Variants in GRM3 observed in about 807,000 individuals in gnomAD.
GRM3 encodes glutamate metabotropic receptor 3.
Under a neutral mutation model 70.5 loss-of-function variants are expected in GRM3, and 26 were observed. The ratio of observed to expected loss-of-function variants is 0.37; its 90% confidence interval spans 0.27 to 0.51. The LOEUF (loss-of-function observed/expected upper bound fraction) is 0.51. Ranked by LOEUF, GRM3 falls within the 20% of genes least tolerant of loss-of-function variation. The probability of loss-of-function intolerance (pLI) is 0.93; values close to 1 mark genes in which losing one functional copy is unlikely to be tolerated. For synonymous variants in GRM3, 443 were observed against 434.9 expected (o/e 1.02, Z -0.23); for missense variants, 859 against 1,123.8 (o/e 0.76, Z 3.37).
intron 2 of GRM3, chr7:86,775,941 A>G (rs796772398): frequency 9.9e-5 from 15 of 152,240 alleles, no homozygotes; most frequent in African/African-American, 3.6e-4. Flanking sequence ...GTATTCATAC[A>G]TACCTTAAAA....
At chr7:86,761,340 C>A (rs1048525010) in intron 1 of GRM3, among the ~76,000 whole-genome samples, 7 of 152,068 alleles carry the variant, frequency 4.6e-5, no homozygotes, top group Non-Finnish European at 8.8e-5. Flanking sequence ...GTCTACATCT[C>A]TCCTGGCTTC....
At chr7:86,792,080 A>C (rs1797433174) in intron 3 of GRM3, among the ~76,000 whole-genome samples, 1 of 152,228 alleles carries the variant, frequency 6.6e-6, no homozygotes, top group Admixed American at 6.5e-5. Flanking sequence ...GTTAAGAAAA[A>C]GGAAGTCGAG....
At chr7:86,841,414 A>G (rs1798557208) in intron 4 of GRM3, among the ~76,000 whole-genome samples, 1 of 152,216 alleles carries the variant, frequency 6.6e-6, no homozygotes, top group Non-Finnish European at 1.5e-5. Flanking sequence ...AGAGTGGAGT[A>G]TATGAACTAC....
At chr7:86,683,635 A>T (rs1050355945) in intron 1 of GRM3, among the ~76,000 whole-genome samples, 1 of 152,142 alleles carries the variant, frequency 6.6e-6, no homozygotes, top group African/African-American at 2.4e-5. Context: ...ACACCAAGGG[A>T]AATGAGATCT....
intron 5 of GRM3, among the ~76,000 whole-genome samples, chr7:86,851,209 C>G (rs1310276742): frequency 6.6e-6 from 1 of 152,080 alleles, no homozygotes; most frequent in African/African-American, 2.4e-5. Context: ...TTGGAAAATG[C>G]TGGAATAGAT....
At chr7:86,785,646 G>A (rs569747945) in intron 2 of GRM3, among the ~76,000 whole-genome samples, 13 of 140,084 alleles carry the variant, frequency 9.3e-5, no homozygotes, top group East Asian at 2.2e-4. Context: ...TTAGAAAAGC[G>A]TATGCCTAAA....
intron 3 of GRM3, among the ~76,000 whole-genome samples, chr7:86,826,603 G>C (rs1202129820): frequency 6.6e-6 from 1 of 152,116 alleles, no homozygotes; most frequent in African/African-American, 2.4e-5. Context: ...ACAAGACTAG[G>C]TAATAGTAAC....
At chr7:86,781,064 T>C (rs967050472) in intron 2 of GRM3, among the ~76,000 whole-genome samples, 12 of 152,180 alleles carry the variant, frequency 7.9e-5, no homozygotes, top group African/African-American at 2.9e-4. Flanking sequence ...GTAAGATCTC[T>C]ATGCACTCTT....
intron 1 of GRM3, among the ~76,000 whole-genome samples, chr7:86,726,786 T>C (rs577159912): frequency 5.3e-5 from 8 of 152,330 alleles, no homozygotes; most frequent in African/African-American, 1.9e-4. Context: ...GAGAATCTAT[T>C]GCCAATTAAT....
chr7:86,725,174 A>G (rs1795562829), intron 1 of GRM3, among the ~76,000 whole-genome samples: 1 of 152,098 alleles, frequency 6.6e-6, no homozygotes, highest in Non-Finnish European at 1.5e-5. Context: ...TGATTTTCTT[A>G]TCTAGAAAAC....
rs536493565 is a variant in GRM3 at position 86,749,310 on chromosome 7, A to C, written c.-140-15696A>C. ...AAAGTGGCAGCCCTCCCGTGGTGAA[A>C]TGGGTTACTTGTAGGCTGTGAGAAG... On this transcript the variant is annotated intron_variant, in intron 1 of 5. Transcript: ENST00000361669. Among the ~76,000 whole-genome samples, 4 of 152,132 alleles carry C rather than the reference A, an allele frequency of 2.6e-5. No individual in the cohort carries two copies. The South Asian group carries it at 8.3e-4, about 32-fold the overall frequency.
chr7:86,827,913 C>T (rs58178461), intron 3 of GRM3, among the ~76,000 whole-genome samples: 2 of 151,894 alleles, frequency 1.3e-5, no homozygotes, highest in Non-Finnish European at 2.9e-5. Context: ...GAGATGGAGA[C>T]CATCCTGGCT....
At chr7:86,735,367 A>T (rs938030255) in intron 1 of GRM3, among the ~76,000 whole-genome samples, 2 of 152,192 alleles carry the variant, frequency 1.3e-5, no homozygotes, top group African/African-American at 4.8e-5. Flanking sequence ...ACAAAAAAAA[A>T]TCCCACTTGT....
chr7:86,713,050 A>G (rs1795234301), intron 1 of GRM3, among the ~76,000 whole-genome samples: 1 of 152,098 alleles, frequency 6.6e-6, no homozygotes, highest in Non-Finnish European at 1.5e-5. Context: ...AGGAACCTCT[A>G]TACTATTCTT....
chr7:86,823,336 CT>C (rs917966518), intron 3 of GRM3, among the ~76,000 whole-genome samples: 24 of 151,216 alleles, frequency 1.6e-4, no homozygotes, highest in East Asian at 3.9e-4. Flanking sequence ...GATTCATCTC[CT>C]TTTTTTTTCC....
chr7:86,675,604 G>C (rs1735111145), intron 1 of GRM3, among the ~76,000 whole-genome samples: 1 of 152,012 alleles, frequency 6.6e-6, no homozygotes, highest in South Asian at 2.1e-4. Context: ...AGGAATGAAG[G>C]TGAACTATTG....
At position 86,722,037 on chromosome 7, in the gene GRM3, T is replaced by C. The variant is rs999175349; in HGVS notation, c.-140-42969T>C. On this transcript the variant is annotated intron_variant, in intron 1 of 5. Coordinates refer to ENST00000361669, the MANE Select transcript of GRM3 (RefSeq NM_000840.3). ...CTGGGAGAAAAGGTATTTTAGAACA[T>C]AGAAACTGAAAATTGAAAGAAACTC... Among the ~76,000 whole-genome samples the C allele has an allele frequency of 4.6e-5, 7 of 152,016 alleles. No homozygotes were observed. In the South Asian group the frequency reaches 1.0e-3, roughly 22 times the overall value.
rs1161808373 is a variant in GRM3, at chr7:86,645,994, GGGGT to G, written c.-141+1126_-141+1129del. Among the ~76,000 whole-genome samples, 130 of 21,086 alleles carry G rather than the reference GGGGT, an allele frequency of 6.2e-3. 10 individuals are homozygous for G. In the Middle Eastern group the frequency reaches 0.12, roughly 20 times the overall value. The allele number at this position is 21,086 out of a possible 152,430, so 13.8% of individuals were successfully genotyped here. A position where few individuals can be genotyped will look rare whatever the true frequency, so the allele number is the denominator to read the frequency against. ...TTTCTTTGTGGTGGGCGGGGGGGTG[GGGGT>G]GGGGGGGTGGGGGGGGGTGGGAGGG... On this transcript the variant is annotated intron_variant, in intron 1 of 5. Transcript: ENST00000361669.
intron 2 of GRM3, among the ~76,000 whole-genome samples, chr7:86,768,809 C>T (rs1464326902): frequency 6.6e-6 from 1 of 152,074 alleles, no homozygotes; most frequent in African/African-American, 2.4e-5. Flanking sequence ...CTTGTCCAGG[C>T]CAAGTCAAGC....
Sources: gnomAD v4.1 joint callset for allele counts (sites outside exome capture counted in the v4.1 genomes callset) on GRCh38, gnomAD v4.1.1 for gene constraint, MANE v1.5 for transcripts, NCBI Gene and HGNC (gene_info 2026-07-23, HGNC 2026-07-21) for gene names.